GPHN: variants seen among roughly 807,000 people sequenced by gnomAD.
GPHN encodes the protein gephyrin.
Under a neutral mutation model 95.5 loss-of-function variants are expected in GPHN, and 17 were observed. The ratio of observed to expected loss-of-function variants is 0.18; its 90% CI spans 0.12 to 0.27. The LOEUF is 0.27. Among genes scored for constraint, GPHN ranks in the 10% least tolerant of loss-of-function variants. The probability of loss-of-function intolerance (pLI) is 1.00; values close to 1 mark genes in which losing one functional copy is unlikely to be tolerated. For synonymous variants in GPHN, 320 were observed against 322.5 expected, an observed-to-expected ratio of 0.99 and a Z score of 0.08; for missense variants, 660 against 978.1, an observed-to-expected ratio of 0.67 and a Z score of 4.34.
intron 4 of GPHN, among the ~76,000 whole-genome samples, chr14:66,846,995 T>C (rs1160814076): frequency 6.6e-6 from 1 of 152,146 alleles, no homozygotes; most frequent in Non-Finnish European, 1.5e-5. Context: ...TTCTTACGGA[T>C]TTGATTATTT....
At chr14:67,693,025 T>G in the GPHN span, 1 of 1,613,958 alleles carries the variant, frequency 6.2e-7, no homozygotes, top group Non-Finnish European at 8.5e-7. Context: ...GAACAGTTGA[T>G]GTACACACCC....
the GPHN span, among the ~76,000 whole-genome samples, chr14:67,437,594 G>A: frequency 2.0e-5 from 3 of 152,222 alleles, no homozygotes; most frequent in Admixed American, 6.5e-5. Context: ...AGGAAGGAGA[G>A]CAGACAGGAG....
chr14:66,949,521 C>G (rs755097698), intron 8 of GPHN, among the ~76,000 whole-genome samples: 16 of 152,170 alleles, frequency 1.1e-4, no homozygotes, highest in Non-Finnish European at 2.2e-4. Flanking sequence ...AAAGGGTGCA[C>G]ATTTTGGACT....
chr14:67,346,315 GTTTA>G, the GPHN span, among the ~76,000 whole-genome samples: 1 of 152,098 alleles, frequency 6.6e-6, no homozygotes, highest in Non-Finnish European at 1.5e-5. Flanking sequence ...AATATTATTT[GTTTA>G]TTTATTTATT....
chr14:66,668,518 A>G (rs2153382582), intron 1 of GPHN, among the ~76,000 whole-genome samples: 1 of 152,296 alleles, frequency 6.6e-6, no homozygotes, highest in Non-Finnish European at 1.5e-5. Context: ...ATCCTTAGCA[A>G]AGTAACACAG....
At chr14:67,139,171 C>T (rs999452970) in intron 17 of GPHN, among the ~76,000 whole-genome samples, 1 of 151,140 alleles carries the variant, frequency 6.6e-6, no homozygotes, top group Non-Finnish European at 1.5e-5. Context: ...TGCAGTGAGC[C>T]GAGATCGCGC....
At chr14:66,573,476 G>A (rs1238226319) in intron 1 of GPHN, among the ~76,000 whole-genome samples, 4 of 144,952 alleles carry the variant, frequency 2.8e-5, no homozygotes, top group African/African-American at 7.6e-5. Flanking sequence ...TTTCTGAGAC[G>A]GAGTCTCGCT....
chr14:66,548,178 AT>A (rs564746424), intron 1 of GPHN, among the ~76,000 whole-genome samples: 27,679 of 116,036 alleles, frequency 0.24, 3,933 homozygotes, highest in African/African-American at 0.5. Flanking sequence ...TACTATTGTA[AT>A]TTTTTTTTTT....
At chr14:67,392,403 T>C in the GPHN span, 1 of 1,613,500 alleles carries the variant, frequency 6.2e-7, no homozygotes, top group South Asian at 1.1e-5. Flanking sequence ...TCCTTGGGGC[T>C]TATCTTCTTT....
chr14:66,842,062 G>A (rs964899720), intron 4 of GPHN, among the ~76,000 whole-genome samples: 4 of 51,476 alleles, frequency 7.8e-5, no homozygotes, highest in African/African-American at 1.5e-4. Context: ...CCCCGCCCCC[G>A]CCCCAACCCC....
chr14:66,765,233 T>G (rs2058919250), intron 2 of GPHN, among the ~76,000 whole-genome samples: 1 of 152,174 alleles, frequency 6.6e-6, no homozygotes, highest in Admixed American at 6.5e-5. Context: ...GTAAATTAAT[T>G]TGCCCATTGT....
At chr14:67,673,502 T>C in the GPHN span, among the ~76,000 whole-genome samples, 1 of 152,224 alleles carries the variant, frequency 6.6e-6, no homozygotes, top group South Asian at 2.1e-4. Context: ...TTTTTCACTG[T>C]AATTTGCAAT....
intron 10 of GPHN, among the ~76,000 whole-genome samples, chr14:67,039,077 T>G (rs1471658727): frequency 6.6e-6 from 1 of 152,206 alleles, no homozygotes; most frequent in Non-Finnish European, 1.5e-5. Flanking sequence ...ATACTACTTT[T>G]CTACTGAAAA....
At chr14:67,658,650 G>A in the GPHN span, among the ~76,000 whole-genome samples, 1 of 152,128 alleles carries the variant, frequency 6.6e-6, no homozygotes, top group Non-Finnish European at 1.5e-5. Context: ...AAATTGTTTG[G>A]ACTTCCTCCC....
At chr14:67,184,388 G>T (rs2083358158), downstream of GPHN, among the ~76,000 whole-genome samples, 1 of 152,146 alleles carries the variant, frequency 6.6e-6, no homozygotes, top group Non-Finnish European at 1.5e-5. Context: ...AACTAGAATG[G>T]AAAGAAACAA....
At chr14:67,675,565 C>G in the GPHN span, among the ~76,000 whole-genome samples, 2 of 142,582 alleles carry the variant, frequency 1.4e-5, no homozygotes, top group Non-Finnish European at 3.2e-5. Flanking sequence ...GAGTAATTCT[C>G]CTCGTGGAGA....
At chr14:66,956,675 A>G (rs1220562881) in intron 8 of GPHN, among the ~76,000 whole-genome samples, 1 of 151,858 alleles carries the variant, frequency 6.6e-6, no homozygotes, top group African/African-American at 2.4e-5. Context: ...TGGCTGCATA[A>G]ATGTCTTCTT....
the GPHN span, among the ~76,000 whole-genome samples, chr14:67,632,212 TTCC>T: frequency 6.6e-6 from 1 of 152,218 alleles, no homozygotes; most frequent in Non-Finnish European, 1.5e-5. Flanking sequence ...ATACTTATTT[TTCC>T]TCCTAACTGC....
chr14:67,061,320 G>T (rs531216968), intron 11 of GPHN, among the ~76,000 whole-genome samples: 4 of 152,080 alleles, frequency 2.6e-5, no homozygotes, highest in African/African-American at 9.7e-5. Flanking sequence ...ACAGGAGTGA[G>T]CCAATGCGCC....
Sources: gnomAD v4.1 joint callset for allele counts (sites outside exome capture counted in the v4.1 genomes callset) on GRCh38, gnomAD v4.1.1 for gene constraint, MANE v1.5 for transcripts, NCBI Gene and HGNC (gene_info 2026-07-23, HGNC 2026-07-21) for gene names.